The following VWA3B variants were observed in gnomAD, a reference collection of about 807,000 sequenced individuals.
The protein encoded by VWA3B is von Willebrand factor A domain containing 3B.
Under a neutral mutation model 158.3 loss-of-function variants are expected in VWA3B, and 138 were observed. The ratio of observed to expected loss-of-function variants is 0.87; its 90% CI spans 0.76 to 1.00. The LOEUF is 1.00. VWA3B is among the 50% of genes least tolerant of loss of function. The probability of loss-of-function intolerance (pLI) is 0.00; values close to 1 mark genes in which losing one functional copy is unlikely to be tolerated. For synonymous variants in VWA3B, 596 were observed against 587.3 expected, an observed-to-expected ratio of 1.01 and a Z score of -0.21; for missense variants, 1,555 against 1,565.1, an observed-to-expected ratio of 0.99 and a Z score of 0.11.
chr2:98,311,860 C>G lies in VWA3B; in HGVS notation c.3563C>G (p.Pro1188Arg), dbSNP rs1690915100. Residue 1188 changes from proline (P) to arginine (R), a missense_variant, in exon 27 of 28, where the codon CCA (proline) becomes CGA (arginine). Physicochemically the swap from Pro to Arg is moderately radical, Grantham distance 103. Transcript: ENST00000477737. Reference protein sequence around the residue: ...EARNSAFLFWPLKEADTQDSR... With the variant: ...EARNSAFLFWRLKEADTQDSR... Reference sequence around the variant, plus strand: ...AGGAACTCTGCTTTCCTCTTCTGGCCACTGAAAGAAGCGGACACGCAGGAT... The same window carrying G: ...AGGAACTCTGCTTTCCTCTTCTGGCGACTGAAAGAAGCGGACACGCAGGAT... 1 of 1,612,120 alleles carries G rather than the reference C, an allele frequency of 6.2e-7. No individual in the cohort carries two copies. The highest frequency in any genetic ancestry group is 1.7e-5 in the Admixed American group (1 of 59,736).
chr2:98,273,929 G>A (rs1688365876), intron 22 of VWA3B, among the ~76,000 whole-genome samples: 1 of 152,148 alleles, frequency 6.6e-6, no homozygotes. Flanking sequence ...GAGTTCATCT[G>A]GAATTCTGGC....
chr2:98,149,611 CT>C (rs2105157905), intron 7 of VWA3B, among the ~76,000 whole-genome samples: 1 of 152,304 alleles, frequency 6.6e-6, no homozygotes, highest in Admixed American at 6.5e-5. Context: ...GTCAGAAGTA[CT>C]TTCAATTTTC....
At chr2:98,107,872 T>TTATTTATTTA (rs1188644325) in intron 2 of VWA3B, among the ~76,000 whole-genome samples, 11 of 152,036 alleles carry the variant, frequency 7.2e-5, no homozygotes, top group Non-Finnish European at 1.3e-4. Flanking sequence ...TGATTTCTAC[T>TTATTTATTTA]TTGATCTTTA....
chr2:98,212,293 G>A (rs1340232623), intron 13 of VWA3B: 3 of 318,514 alleles, frequency 9.4e-6, no homozygotes, highest in African/African-American at 6.3e-5. Flanking sequence ...CACAAAAGGA[G>A]ACGTCTGCTG....
At chr2:98,298,405 TTCTATTCTA>T (rs1689956454) in intron 24 of VWA3B, among the ~76,000 whole-genome samples, 1 of 150,142 alleles carries the variant, frequency 6.7e-6, no homozygotes, top group Non-Finnish European at 1.5e-5. Flanking sequence ...TTCTATTCTA[TTCTATTCTA>T]TTCTATTCTA....
downstream of VWA3B, among the ~76,000 whole-genome samples, chr2:98,315,191 C>T (rs1436010614): frequency 6.6e-6 from 1 of 152,114 alleles, no homozygotes; most frequent in Non-Finnish European, 1.5e-5. Flanking sequence ...GAACATGCAC[C>T]TGGATGCATT....
intron 9 of VWA3B, 84 bp from the exon 10 acceptor site, chr2:98,187,891 A>G (rs1237277580): frequency 1.8e-5 from 25 of 1,416,334 alleles, no homozygotes; most frequent in Non-Finnish European, 2.3e-5. Flanking sequence ...AGCCACTTGA[A>G]TACGACAGAG....
At chr2:98,321,640 T>C in the VWA3B span, among the ~76,000 whole-genome samples, 2 of 152,314 alleles carry the variant, frequency 1.3e-5, no homozygotes, top group African/African-American at 4.8e-5. Flanking sequence ...ATTTCTCTCA[T>C]TTGGAATGGT....
At chr2:98,250,815 A>G (rs1246184990) in intron 20 of VWA3B, among the ~76,000 whole-genome samples, 1 of 152,100 alleles carries the variant, frequency 6.6e-6, no homozygotes, top group African/African-American at 2.4e-5. Context: ...GGTGATGGAT[A>G]CCCCATTTAC....
At chr2:98,220,069 C>T (rs62156672) in intron 14 of VWA3B, among the ~76,000 whole-genome samples, 7,160 of 148,348 alleles carry the variant, frequency 0.048, 250 homozygotes, top group Middle Eastern at 0.084. Flanking sequence ...GGGGCTAAAG[C>T]GGGAGGATCA....
chr2:98,259,501 T>C (rs1687352205), intron 21 of VWA3B, among the ~76,000 whole-genome samples: 1 of 151,722 alleles, frequency 6.6e-6, no homozygotes, highest in Non-Finnish European at 1.5e-5. Context: ...AATTTGTGCA[T>C]TTCATCTAGA....
Position 98,125,635 on chromosome 2 carries a change from G to C in VWA3B, c.703-2604G>C, listed in dbSNP as rs1039056370. Among the ~76,000 whole-genome samples, 3 of 152,262 alleles carry C rather than the reference G, an allele frequency of 2.0e-5. No homozygotes were observed. Among genetic ancestry groups the C allele is most frequent in the African/African-American group, 7.2e-5 (3 of 41,554 alleles). ...CCAGTTTGATGGCAGACAGGAATAG[G>C]TAGCATATTTATCCTCCTTTCTGTT... On this transcript the variant is annotated intron_variant, in intron 5 of 27. Coordinates refer to ENST00000477737, the MANE Select transcript of VWA3B (RefSeq NM_144992.5). The surrounding 1 kb of genome is among the most constrained non-coding windows in gnomAD (Gnocchi z 4.1).
At chr2:98,087,990 G>A (rs1681983326) in intron 1 of VWA3B, among the ~76,000 whole-genome samples, 1 of 152,022 alleles carries the variant, frequency 6.6e-6, no homozygotes, top group African/African-American at 2.4e-5. Context: ...TTTCTCAACG[G>A]TGGGACAGTC....
intron 19 of VWA3B, among the ~76,000 whole-genome samples, chr2:98,244,755 G>C (rs1438753799): frequency 6.6e-6 from 1 of 152,142 alleles, no homozygotes; most frequent in Non-Finnish European, 1.5e-5. Flanking sequence ...AAATACATTT[G>C]TCTATAAAGG....
chr2:98,248,384 T>A (rs1200115441), intron 19 of VWA3B, among the ~76,000 whole-genome samples: 1 of 152,172 alleles, frequency 6.6e-6, no homozygotes, highest in Non-Finnish European at 1.5e-5. Context: ...AAAATCTGCC[T>A]TTTCTCTTTC....
chr2:98,276,881 C>T (rs768625865), intron 22 of VWA3B, among the ~76,000 whole-genome samples: 6 of 152,170 alleles, frequency 3.9e-5, no homozygotes, highest in Non-Finnish European at 7.4e-5. Flanking sequence ...TGCCCTCCCC[C>T]GCCCCATAGC....
chr2:98,263,792 G>C (rs1379167934), intron 21 of VWA3B, among the ~76,000 whole-genome samples: 1 of 151,868 alleles, frequency 6.6e-6, no homozygotes, highest in Non-Finnish European at 1.5e-5. Context: ...TCAATCTTTT[G>C]AAAGAGGTTT....
chr2:98,268,443 C>A (rs1438213546), intron 21 of VWA3B, among the ~76,000 whole-genome samples: 1 of 152,094 alleles, frequency 6.6e-6, no homozygotes, highest in Non-Finnish European at 1.5e-5. Flanking sequence ...TCTGCTTAAT[C>A]ACATCTGCTG....
At chr2:98,144,723 C>T (rs1009133448) in intron 7 of VWA3B, among the ~76,000 whole-genome samples, 20 of 151,978 alleles carry the variant, frequency 1.3e-4, no homozygotes, top group South Asian at 4.2e-4. Context: ...GCTGCCACCA[C>T]GCCTAGGTAA....
Sources: allele counts gnomAD v4.1 joint callset (sites outside exome capture counted in the v4.1 genomes callset), GRCh38; gene constraint gnomAD v4.1.1; non-coding constraint Gnocchi (gnomAD v3.1); transcripts MANE v1.5; gene names NCBI Gene and HGNC (gene_info 2026-07-23, HGNC 2026-07-21).